The following IL15RA variants were observed in gnomAD, a reference collection of about 807,000 sequenced individuals.
IL15RA encodes the protein interleukin 15 receptor subunit alpha.
Under a neutral mutation model 24.2 loss-of-function variants are expected in IL15RA, and 26 were observed. That is an observed-to-expected ratio of 1.07 (90% CI 0.79 to 1.49). IL15RA has a LOEUF of 1.49. IL15RA is among the 40% of genes most tolerant of loss of function. The pLI is 0.00. For synonymous variants in IL15RA, 166 were observed against 157.6 expected (o/e 1.05, Z -0.40); for missense variants, 354 against 356.4 (o/e 0.99, Z 0.05).
chr10:5,953,108 G>C lies in IL15RA; in HGVS notation c.791C>G (p.Ser264Cys). 1 of 1,612,718 alleles carries C rather than the reference G, an allele frequency of 6.2e-7. No homozygotes were observed. The highest frequency in any genetic ancestry group is 8.5e-7 in the Non-Finnish European group (1 of 1,178,638). Residue 264 changes from serine to cysteine, a missense_variant, in exon 7 of 7, where the codon TCT becomes TGT. Physicochemically the swap from Ser to Cys is moderately radical, Grantham distance 112 (BLOSUM62 -1). Transcript: ENST00000379977. The surrounding 1 kb of genome is among the most constrained non-coding windows in gnomAD (Gnocchi z 5.3). ...SSRDEDLENC[S>C]HHL The stretch of plus-strand genomic sequence containing the variant: ...TTTCCCCGAGTTTCATAGGTGGTGA[G>C]AGCAGTTTTCCAAGTCTTCATCTCT...
Position 5,962,771 on chromosome 10 carries a change from G to A in IL15RA, c.382+972C>T, listed in dbSNP as rs1462311210. On this transcript the variant is annotated intron_variant, in intron 3 of 6. Transcript: ENST00000379977. The surrounding 1 kb of genome is among the most constrained non-coding windows in gnomAD (Gnocchi z 5.2). ...CAACAGACAGGCCCATCCCCCCGGG[G>A]GCAAAGGAGTAGACAGGACCAGGGA... Among the ~76,000 whole-genome samples the A allele has an allele frequency of 3.3e-5, 5 of 152,100 alleles. No individual in the cohort carries two copies. The highest frequency in any genetic ancestry group is 2.9e-5 in the Non-Finnish European group (2 of 68,026).
chr10:5,966,823 T>C lies in IL15RA; in HGVS notation c.89-484A>G, dbSNP rs8177684. Among the ~76,000 whole-genome samples, 94,661 of 151,666 alleles carry C rather than the reference T, an allele frequency of 0.62. 30,986 individuals are homozygous for C. The highest frequency in any genetic ancestry group is 0.76 in the Middle Eastern group (222 of 294). ...CCATCTTTATTAAAAATACAAAAAA[T>C]TAGCCGGGCGTGGTGGCAGGCGCCT... On this transcript the variant is annotated intron_variant, in intron 1 of 6. Coordinates refer to ENST00000379977, the MANE Select transcript of IL15RA (RefSeq NM_002189.4). The surrounding 1 kb of genome is among the most constrained non-coding windows in gnomAD (Gnocchi z 6.4).
chr10:5,968,696 C>A lies in IL15RA; in HGVS notation c.89-2357G>T. 1.4e-6 allele frequency: 1 copy of A among 692,948 alleles called. No homozygotes were observed. The highest frequency in any genetic ancestry group is 2.6e-6 in the Non-Finnish European group (1 of 378,792). 42.9% of individuals were successfully genotyped at this position (692,948 alleles called of 1,614,324 possible). A position where few individuals can be genotyped will look rare whatever the true frequency, so the allele number is the denominator to read the frequency against. ...CTCCACACTGATCTTCTGTCCTTCT[C>A]TACCTGCCTAAACCACAGAGTGTTA... On this transcript the variant is annotated intron_variant, in intron 1 of 6. Coordinates refer to ENST00000379977, the MANE Select transcript of IL15RA (RefSeq NM_002189.4). This position sits in a 1 kb window ranked among gnomAD's most constrained non-coding sequence, Gnocchi z 5.4.
upstream of IL15RA, chr10:5,977,746 G>A (rs1169776513): frequency 1.1e-6 from 1 of 893,232 alleles, no homozygotes; most frequent in East Asian, 3.3e-5. Flanking sequence ...GGGACGCATG[G>A]GCCGTGCCCG....
chr10:5,952,998 C>G lies in IL15RA; in HGVS notation c.*97G>C, dbSNP rs576889095. On this transcript the variant is annotated 3_prime_UTR_variant, in exon 7 of 7. Transcript: ENST00000379977. ...TTCTGAGAGGCCTGGTGAGCTTGCT[C>G]CTGGAGCCCGCTTCCTTGCACCTCT... is the stretch of plus-strand genomic sequence containing the variant. The G allele has an allele frequency of 6.6e-6, 6 of 915,906 alleles. No individual in the cohort carries two copies. Among genetic ancestry groups the G allele is most frequent in the Non-Finnish European group, 1.1e-5 (6 of 569,556 alleles). The allele number at this position is 915,906 out of a possible 1,614,324, so 56.7% of individuals were successfully genotyped here. A position where few individuals can be genotyped will look rare whatever the true frequency, so the allele number is the denominator to read the frequency against.
chr10:5,949,791 G>C (rs1833748820), downstream of IL15RA, among the ~76,000 whole-genome samples: 1 of 152,096 alleles, frequency 6.6e-6, no homozygotes, highest in Non-Finnish European at 1.5e-5. This position sits in a 1 kb window ranked among gnomAD's most constrained non-coding sequence, Gnocchi z 4.4. Context: ...AAAAGTGGTG[G>C]GGGGAGTTAA....
intron 5 of IL15RA, among the ~76,000 whole-genome samples, chr10:5,957,773 G>C (rs1834778718): frequency 6.6e-6 from 1 of 151,826 alleles, no homozygotes; most frequent in South Asian, 2.1e-4. Flanking sequence ...TGTATTTTTG[G>C]TAGAGATGGT....
Position 5,961,562 on chromosome 10 carries a change from G to C in IL15RA, c.383-995C>G, listed in dbSNP as rs1003235396. Reference sequence around the variant, plus strand: ...CTCGGAGCGGCTGCGTGTGAAACACGGGAAGCCTGGGCTCTGGCCTGAACT... The same window carrying C: ...CTCGGAGCGGCTGCGTGTGAAACACCGGAAGCCTGGGCTCTGGCCTGAACT... On this transcript the variant is annotated intron_variant, in intron 3 of 6. Coordinates refer to ENST00000379977, the MANE Select transcript of IL15RA (RefSeq NM_002189.4). This position sits in a 1 kb window ranked among gnomAD's most constrained non-coding sequence, Gnocchi z 5.2. Among the ~76,000 whole-genome samples, 5 of 152,388 alleles carry C rather than the reference G, an allele frequency of 3.3e-5. No individual in the cohort carries two copies. Among genetic ancestry groups the C allele is most frequent in the East Asian group, 1.9e-4 (1 of 5,188 alleles).
rs41294173 is a variant in IL15RA at position 5,964,194 on chromosome 10, C to T, written c.284-353G>A. Reference sequence around the variant, plus strand: ...GTTTGTTTGAGACAGGGTCTTGCTCCGTTGCCCAGGTTGGAGTGCAGTAGT... The same window carrying T: ...GTTTGTTTGAGACAGGGTCTTGCTCTGTTGCCCAGGTTGGAGTGCAGTAGT... On this transcript the variant is annotated intron_variant, in intron 2 of 6. Transcript: ENST00000379977. The surrounding 1 kb of genome is among the most constrained non-coding windows in gnomAD (Gnocchi z 5.6). 4.4e-4 allele frequency among the ~76,000 whole-genome samples: 67 copies of T among 152,014 alleles called. No individual in the cohort carries two copies. The highest frequency in any genetic ancestry group is 9.8e-4 in the Admixed American group (15 of 15,268).
In IL15RA at chr10:5,959,704, G is replaced by A. The variant is rs1376971803; in HGVS notation, c.616+50C>T. The A allele has an allele frequency of 1.3e-6, 2 of 1,579,900 alleles. No individual in the cohort carries two copies. On this transcript the variant is annotated intron_variant, in intron 5 of 6. Coordinates refer to ENST00000379977, the MANE Select transcript of IL15RA (RefSeq NM_002189.4). This position sits in a 1 kb window ranked among gnomAD's most constrained non-coding sequence, Gnocchi z 4.1. ...GGGCCAGGACCACCCAGCACCCTGGGACTGCGGTCACCCTGATCATAAACA... is the reference window on the plus strand; with the variant it reads ...GGGCCAGGACCACCCAGCACCCTGGAACTGCGGTCACCCTGATCATAAACA...
rs1229286309 is a variant in IL15RA, at chr10:5,953,735, T to C, written c.693-529A>G. On this transcript the variant is annotated intron_variant, in intron 6 of 6. Transcript: ENST00000379977. The surrounding 1 kb of genome is among the most constrained non-coding windows in gnomAD (Gnocchi z 5.3). Reference sequence around the variant, plus strand: ...TCATCTTGAAAAAAGTGATTTAATATTCATGAAGCTTTTAAAAACAGTTCT... The same window carrying C: ...TCATCTTGAAAAAAGTGATTTAATACTCATGAAGCTTTTAAAAACAGTTCT... 2.3e-5 allele frequency: 5 copies of C among 220,778 alleles called. No individual in the cohort carries two copies. The highest frequency in any genetic ancestry group is 4.5e-5 in the Non-Finnish European group (5 of 110,624). 13.7% of individuals were successfully genotyped at this position (220,778 alleles called of 1,614,324 possible).
rs1589219807 is a variant in IL15RA, at chr10:5,965,752, G to A, written c.283+393C>T. Among the ~76,000 whole-genome samples, 1 of 152,110 alleles carries A rather than the reference G, an allele frequency of 6.6e-6. No homozygotes were observed. Among genetic ancestry groups the A allele is most frequent in the East Asian group, 1.9e-4 (1 of 5,198 alleles). ...TCTTTCTTTTTTGAGATGGAGTCTT[G>A]CTGTGTCACCCAGGCTGGAGTGCAG... On this transcript the variant is annotated intron_variant, in intron 2 of 6. Transcript: ENST00000379977. The surrounding 1 kb of genome is among the most constrained non-coding windows in gnomAD (Gnocchi z 5.8).
Position 5,966,398 on chromosome 10 carries a change from TC to T in IL15RA, c.89-60del. On this transcript the variant is annotated intron_variant, in intron 1 of 6. Coordinates refer to ENST00000379977, the MANE Select transcript of IL15RA (RefSeq NM_002189.4). The surrounding 1 kb of genome is among the most constrained non-coding windows in gnomAD (Gnocchi z 6.4). ...AGGTTTCCACTTGTAAGAGGCGTTCTCCAGGCACACGCAGCGGTAGTCAGTG... is the reference window on the plus strand; with the variant it reads ...AGGTTTCCACTTGTAAGAGGCGTTCTCAGGCACACGCAGCGGTAGTCAGTG... The T allele has an allele frequency of 1.4e-6, 2 of 1,427,698 alleles. No homozygotes were observed. Among genetic ancestry groups the T allele is most frequent in the South Asian group, 1.2e-5 (1 of 83,802 alleles). 88.4% of individuals were successfully genotyped at this position (1,427,698 alleles called of 1,614,324 possible).
Position 5,973,175 on chromosome 10 carries a change from T to G in IL15RA, c.88+4230A>C, listed in dbSNP as rs1837887988. On this transcript the variant is annotated intron_variant, in intron 1 of 6. Coordinates refer to ENST00000379977, the MANE Select transcript of IL15RA (RefSeq NM_002189.4). This position sits in a 1 kb window ranked among gnomAD's most constrained non-coding sequence, Gnocchi z 4.5. ...ATGGACGCCCCTGCACATCAGGCCT[T>G]TTAAATAAGAACAGACTGGCAACAA... is the stretch of plus-strand genomic sequence containing the variant. Among the ~76,000 whole-genome samples, 1 of 152,204 alleles carries G rather than the reference T, an allele frequency of 6.6e-6. No individual in the cohort carries two copies. The highest frequency in any genetic ancestry group is 1.5e-5 in the Non-Finnish European group (1 of 68,036).
rs1834019903 is a variant in IL15RA at position 5,953,043 on chromosome 10, A to G, written c.*52T>C. On this transcript the variant is annotated 3_prime_UTR_variant, in exon 7 of 7. Coordinates refer to ENST00000379977, the MANE Select transcript of IL15RA (RefSeq NM_002189.4). The surrounding 1 kb of genome is among the most constrained non-coding windows in gnomAD (Gnocchi z 5.3). ...ACCTCTTCTCAGTCGTCTTTAGCTAAAGCAGAGAGGCTCCTTCACTCCGGA... is the reference window on the plus strand; with the variant it reads ...ACCTCTTCTCAGTCGTCTTTAGCTAGAGCAGAGAGGCTCCTTCACTCCGGA... 3.7e-6 allele frequency: 5 copies of G among 1,345,586 alleles called. No individual in the cohort carries two copies. The African/African-American group carries it at 7.2e-5, about 19-fold the overall frequency. The allele number at this position is 1,345,586 out of a possible 1,614,324, so 83.4% of individuals were successfully genotyped here.
chr10:5,962,554 T>G lies in IL15RA; in HGVS notation c.382+1189A>C, dbSNP rs909067402. On this transcript the variant is annotated intron_variant, in intron 3 of 6. Coordinates refer to ENST00000379977, the MANE Select transcript of IL15RA (RefSeq NM_002189.4). This position sits in a 1 kb window ranked among gnomAD's most constrained non-coding sequence, Gnocchi z 5.2. The stretch of plus-strand genomic sequence containing the variant: ...TTGCAGTGAGCCAAGATTTCACCTC[T>G]GCCCTCCAGACTGGGCAATAGAGCA... Among the ~76,000 whole-genome samples, 3 of 146,604 alleles carry G rather than the reference T, an allele frequency of 2.0e-5. No individual in the cohort carries two copies. In the Admixed American group the frequency reaches 2.1e-4, roughly 10 times the overall value.
chr10:5,978,077 G>C (rs1357188011), upstream of IL15RA: 1 of 152,418 alleles, frequency 6.6e-6, no homozygotes, highest in Non-Finnish European at 1.5e-5. This position sits in a 1 kb window ranked among gnomAD's most constrained non-coding sequence, Gnocchi z 5.2. Flanking sequence ...GCACCTGCCT[G>C]GTGCGCTCTG....
intron 6 of IL15RA, among the ~76,000 whole-genome samples, chr10:5,954,175 T>C (rs1214716973): frequency 1.2e-3 from 122 of 106,008 alleles, no homozygotes; most frequent in African/African-American, 5.6e-3. Context: ...CTTCTTTTTT[T>C]TTTTTTTTTT....
In IL15RA at chr10:5,968,644, T is replaced by G; in HGVS notation, c.89-2305A>C. 1 of 623,318 alleles carries G rather than the reference T, an allele frequency of 1.6e-6. No individual in the cohort carries two copies. Among genetic ancestry groups the G allele is most frequent in the Non-Finnish European group, 2.9e-6 (1 of 344,890 alleles). 38.6% of individuals were successfully genotyped at this position (623,318 alleles called of 1,614,324 possible). ...CCTCTGGTGCTATCTGGTGCTGGAG[T>G]GTCAGAGGCTTTTTCTCCATGTTCT... On this transcript the variant is annotated intron_variant, in intron 1 of 6. Transcript: ENST00000379977. The surrounding 1 kb of genome is among the most constrained non-coding windows in gnomAD (Gnocchi z 5.4).
Sources: allele counts gnomAD v4.1 joint callset (sites outside exome capture counted in the v4.1 genomes callset), GRCh38; gene constraint gnomAD v4.1.1; non-coding constraint Gnocchi (gnomAD v3.1); transcripts MANE v1.5; gene names NCBI Gene and HGNC (gene_info 2026-07-23, HGNC 2026-07-21).